The following ZFHX3 variants were observed in gnomAD, a reference collection of about 807,000 sequenced individuals.
ZFHX3 encodes zinc finger homeobox protein 3.
ZFHX3 carries 42 observed loss-of-function variants against 279.1 expected under a neutral mutation model. The ratio of observed to expected loss-of-function variants is 0.15; its 90% CI spans 0.12 to 0.19. The LOEUF (loss-of-function observed/expected upper bound fraction) is 0.19, where lower values mean the gene tolerates loss of function less well. Among genes scored for constraint, ZFHX3 ranks in the 10% least tolerant of loss-of-function variants. The pLI is 1.00. For missense variants in ZFHX3, 4,981 were observed against 4,754.0 expected (o/e 1.05, Z -1.40); for synonymous variants, 2,293 against 1,957.8 (o/e 1.17, Z -4.52).
chr16:73,142,636 T>A (rs1282324073), intron 6 of ZFHX3, among the ~76,000 whole-genome samples: 2 of 152,182 alleles, frequency 1.3e-5, no homozygotes, highest in African/African-American at 4.8e-5. Context: ...TGACGGGTAG[T>A]GTGGAATGTG....
chr16:73,144,998 A>T (rs1231230157), intron 5 of ZFHX3, among the ~76,000 whole-genome samples: 2 of 152,200 alleles, frequency 1.3e-5, no homozygotes, highest in African/African-American at 4.8e-5. Context: ...TGTATTTTGT[A>T]AGCCATATTT....
chr16:73,753,230 C>G (rs902474353), intron 1 of ZFHX3, among the ~76,000 whole-genome samples: 1 of 152,064 alleles, frequency 6.6e-6, no homozygotes, highest in Non-Finnish European at 1.5e-5. Flanking sequence ...GTGTTCCGGT[C>G]GTAACTCTGC....
chr16:73,573,528 A>G (rs534174198), intron 2 of ZFHX3, among the ~76,000 whole-genome samples: 2 of 152,344 alleles, frequency 1.3e-5, no homozygotes, highest in South Asian at 2.1e-4. Flanking sequence ...GTGATCAGTG[A>G]TCTTAGCTGT....
At chr16:73,348,089 C>T (rs2016154726) in intron 3 of ZFHX3, among the ~76,000 whole-genome samples, 1 of 152,138 alleles carries the variant, frequency 6.6e-6, no homozygotes, top group African/African-American at 2.4e-5. Context: ...ATAAACAAGG[C>T]CTCTCCATCT....
chr16:73,721,914 G>T (rs1212265435), intron 1 of ZFHX3, among the ~76,000 whole-genome samples: 1 of 152,144 alleles, frequency 6.6e-6, no homozygotes, highest in Admixed American at 6.5e-5. Flanking sequence ...ATGTGATGAT[G>T]CAAGCCTGTA....
rs760037213 is a variant in ZFHX3, at chr16:72,957,504, G to A, written c.2642C>T (p.Ala881Val). The A allele has an allele frequency of 4.3e-6, 7 of 1,614,196 alleles. No homozygotes were observed. Among genetic ancestry groups the A allele is most frequent in the Admixed American group, 1.7e-5 (1 of 60,024 alleles). ...NLPNLKMDSA[A>V]SDAQFMMSGF... ...GCTCATCATGAACTGGGCGTCCGAG[G>A]CAGCACTGTCCATCTTCAGGTTGGG... The change falls in exon 2 of 10, where the codon GCC becomes GTC. Residue 881 changes from alanine (A) to valine (V), a missense_variant. Transcript: ENST00000268489.
chr16:72,888,691 C>A (rs1243032907), intron 4 of ZFHX3, among the ~76,000 whole-genome samples: 2 of 152,174 alleles, frequency 1.3e-5, no homozygotes, highest in Admixed American at 6.5e-5. Context: ...AAGGGCTGGG[C>A]AACAATTTCA....
intron 4 of ZFHX3, among the ~76,000 whole-genome samples, chr16:73,277,532 G>A (rs1160384519): frequency 2.6e-5 from 4 of 152,126 alleles, no homozygotes; most frequent in African/African-American, 9.7e-5. Flanking sequence ...CCAAATTGTC[G>A]ATGAATTAAA....
At chr16:73,573,225 T>G (rs930921162) in intron 2 of ZFHX3, among the ~76,000 whole-genome samples, 2 of 152,170 alleles carry the variant, frequency 1.3e-5, no homozygotes, top group Non-Finnish European at 2.9e-5. Flanking sequence ...ACTCCCATGC[T>G]TTCACTCGTG....
At chr16:73,809,470 C>T (rs1042897994) in intron 1 of ZFHX3, 2 of 152,216 alleles carry the variant, frequency 1.3e-5, no homozygotes, top group African/African-American at 4.8e-5. Flanking sequence ...ATCATCCACA[C>T]AGGTGCTCCA....
At chr16:73,491,917 T>C (rs1235114749) in intron 2 of ZFHX3, among the ~76,000 whole-genome samples, 1 of 152,178 alleles carries the variant, frequency 6.6e-6, no homozygotes, top group Non-Finnish European at 1.5e-5. Flanking sequence ...GCTAAGAAAC[T>C]CTGGTCTACC....
chr16:73,757,860 C>T (rs1022597239), intron 1 of ZFHX3, among the ~76,000 whole-genome samples: 1 of 152,192 alleles, frequency 6.6e-6, no homozygotes, highest in African/African-American at 2.4e-5. Flanking sequence ...TGATGCCATT[C>T]TGATTTTGTG....
chr16:72,799,936 A>T, intron 8 of ZFHX3, 91 bp downstream of exon 8: 1 of 1,137,008 alleles, frequency 8.8e-7, no homozygotes, highest in South Asian at 1.3e-5. Context: ...CCTTAAGAGT[A>T]TTGTAAAGAA....
intron 3 of ZFHX3, among the ~76,000 whole-genome samples, chr16:73,319,561 G>C (rs144113854): frequency 1.3e-5 from 2 of 151,936 alleles, no homozygotes; most frequent in Admixed American, 6.6e-5. Flanking sequence ...ACTCAGGGGC[G>C]GGGGGTTGGT....
intron 3 of ZFHX3, among the ~76,000 whole-genome samples, chr16:73,355,671 C>G (rs1157011720): frequency 6.6e-6 from 1 of 152,180 alleles, no homozygotes; most frequent in Non-Finnish European, 1.5e-5. Flanking sequence ...AGATCAAGGA[C>G]CTTGGAGTCA....
intron 5 of ZFHX3, among the ~76,000 whole-genome samples, chr16:73,147,561 G>T (rs796312977): frequency 2.0e-5 from 3 of 150,680 alleles, no homozygotes; most frequent in African/African-American, 7.3e-5. Flanking sequence ...GCGTGGTAGC[G>T]GGCGCCTGTA....
At chr16:73,308,587 G>C (rs2015249087) in intron 4 of ZFHX3, among the ~76,000 whole-genome samples, 1 of 152,020 alleles carries the variant, frequency 6.6e-6, no homozygotes, top group Admixed American at 6.6e-5. Context: ...GATTACAGGT[G>C]TGAGCCACCA....
At chr16:73,190,520 A>C (rs528443753) in intron 5 of ZFHX3, among the ~76,000 whole-genome samples, 1 of 152,228 alleles carries the variant, frequency 6.6e-6, no homozygotes, top group Non-Finnish European at 1.5e-5. Context: ...AGAAAATGTT[A>C]TAAGGACAAA....
intron 2 of ZFHX3, among the ~76,000 whole-genome samples, chr16:73,617,313 G>T (rs1433878398): frequency 6.6e-6 from 1 of 152,124 alleles, no homozygotes; most frequent in African/African-American, 2.4e-5. Flanking sequence ...AATAGAAAAG[G>T]GCAAATCAAA....
Sources: gnomAD v4.1 joint callset for allele counts (sites outside exome capture counted in the v4.1 genomes callset) on GRCh38, gnomAD v4.1.1 for gene constraint, MANE v1.5 for transcripts, NCBI Gene and HGNC (gene_info 2026-07-23, HGNC 2026-07-21) for gene names.